HOXB9: variants seen among roughly 807,000 people sequenced by gnomAD.
The protein encoded by HOXB9 is homeobox protein Hox-B9.
In HOXB9, 10 loss-of-function variants were observed where a neutral mutation model predicts 21.5. The observed-to-expected ratio is 0.47, with a 90% CI of 0.29 to 0.79. The LOEUF is 0.79. Among genes scored for constraint, HOXB9 ranks in the 30% least tolerant of loss-of-function variants. The probability of loss-of-function intolerance (pLI) is 0.10; values close to 1 mark genes in which losing one functional copy is unlikely to be tolerated. For missense variants in HOXB9, 375 were observed against 338.7 expected, an observed-to-expected ratio of 1.11 and a Z score of -0.84; for synonymous variants, 156 against 151.2, an observed-to-expected ratio of 1.03 and a Z score of -0.23.
Position 48,624,104 on chromosome 17 carries a change from T to C in HOXB9, c.518-969A>G, listed in dbSNP as rs80098217. Among the ~76,000 whole-genome samples the C allele has an allele frequency of 4.3e-3, 651 of 152,274 alleles. 4 individuals carry two copies. Among genetic ancestry groups the C allele is most frequent in the Non-Finnish European group, 6.2e-3 (423 of 68,016 alleles). On this transcript the variant is annotated intron_variant, in intron 1 of 1. Transcript: ENST00000311177. The stretch of plus-strand genomic sequence containing the variant: ...AAACAAAAATATATACAGGCTTCTC[T>C]TCTTACCTTCTCTCCCCCTACTCTG...
rs1230203290 is a variant in HOXB9 at position 48,621,524 on chromosome 17, G to A, written c.*1376C>T. 1 of 152,272 alleles carries A rather than the reference G, an allele frequency of 6.6e-6. No individual in the cohort carries two copies. The highest frequency in any genetic ancestry group is 2.4e-5 in the African/African-American group (1 of 41,456). 9.4% of individuals were successfully genotyped at this position (152,272 alleles called of 1,614,324 possible). ...TTTTGCCCCTTTCCTTTGCACGCGGGACTGTTTCCCAGAAGCGCGCGCACG... is the reference window on the plus strand; with the variant it reads ...TTTTGCCCCTTTCCTTTGCACGCGGAACTGTTTCCCAGAAGCGCGCGCACG... On this transcript the variant is annotated 3_prime_UTR_variant, in exon 2 of 2. Coordinates refer to ENST00000311177, the MANE Select transcript of HOXB9 (RefSeq NM_024017.5).
At chr17:48,625,707 C>T (rs192619342) in intron 1 of HOXB9, 46 bp downstream of exon 1, 137 of 1,428,742 alleles carry the variant, frequency 9.6e-5, no homozygotes, top group East Asian at 3.5e-4. Flanking sequence ...TCCCCGCCCC[C>T]CTCCTGGCCT....
intron 1 of HOXB9, among the ~76,000 whole-genome samples, chr17:48,625,080 C>G (rs1416304195): frequency 6.6e-6 from 1 of 152,216 alleles, no homozygotes. Flanking sequence ...GAGGGGCCAC[C>G]GGAGGGAAGG....
chr17:48,622,582 G>A lies in HOXB9; in HGVS notation c.*318C>T. 12 of 288,748 alleles carry A rather than the reference G, an allele frequency of 4.2e-5. No individual in the cohort carries two copies. Among genetic ancestry groups the A allele is most frequent in the South Asian group, 1.3e-4 (3 of 22,898 alleles). 17.9% of individuals were successfully genotyped at this position (288,748 alleles called of 1,614,324 possible). ...AGGCAAGCTGGAAGTGAGGGGCTAGGACTTCCCAGAAAAATTACAGGGCAT... is the reference window on the plus strand; with the variant it reads ...AGGCAAGCTGGAAGTGAGGGGCTAGAACTTCCCAGAAAAATTACAGGGCAT... On this transcript the variant is annotated 3_prime_UTR_variant, in exon 2 of 2. Transcript: ENST00000311177.
rs2070809311 is a variant in HOXB9 at position 48,625,877 on chromosome 17, C to A, written c.393G>T (p.Gln131His). 1 of 1,606,976 alleles carries A rather than the reference C, an allele frequency of 6.2e-7. No homozygotes were observed. Reference protein sequence around the residue: ...LLGAPGELLKQGTPEYSLETS... With the variant: ...LLGAPGELLKHGTPEYSLETS... Reference sequence around the variant, plus strand: ...TTTCCAAACTGTACTCGGGCGTGCCCTGTTTGAGCAGCTCCCCAGGCGCGC... The same window carrying A: ...TTTCCAAACTGTACTCGGGCGTGCCATGTTTGAGCAGCTCCCCAGGCGCGC... The change falls in exon 1 of 2, where the codon CAG (glutamine) becomes CAT (histidine). Residue 131 changes from glutamine to histidine, a missense_variant. By Grantham distance (24) the Gln-to-His change is conservative. Transcript: ENST00000311177.
chr17:48,624,277 T>C (rs1268858454), intron 1 of HOXB9, among the ~76,000 whole-genome samples: 1 of 152,186 alleles, frequency 6.6e-6, no homozygotes. Context: ...TCTTACCAAT[T>C]TGCAGCGCTA....
chr17:48,625,363 C>T (rs1272666276), intron 1 of HOXB9, among the ~76,000 whole-genome samples: 1 of 152,226 alleles, frequency 6.6e-6, no homozygotes, highest in East Asian at 1.9e-4. Flanking sequence ...CCCTTGCCCT[C>T]GCCGGCTCTC....
At position 48,622,535 on chromosome 17, in the gene HOXB9, T is replaced by G; in HGVS notation, c.*365A>C. 4.6e-6 allele frequency: 1 copy of G among 219,700 alleles called. No individual in the cohort carries two copies. The highest frequency in any genetic ancestry group is 7.6e-5 in the South Asian group (1 of 13,158). The allele number at this position is 219,700 out of a possible 1,614,324, so 13.6% of individuals were successfully genotyped here. ...AGTTGGAGTGTCCCTGGGTGACTTT[T>G]GGGTGGGTGTAGAGAAGAAACAGGC... On this transcript the variant is annotated 3_prime_UTR_variant, in exon 2 of 2. Coordinates refer to ENST00000311177, the MANE Select transcript of HOXB9 (RefSeq NM_024017.5).
At position 48,623,098 on chromosome 17, in the gene HOXB9, G is replaced by T. The variant is rs2070784237; in HGVS notation, c.555C>A (p.Ser185=). The stretch of plus-strand genomic sequence containing the variant: ...TGGTGTAGGGACAGCGCTTTTTCCG[G>T]GAAGAGCGAGCGTGCAGCCAGTTGG... ...PSANWLHARS[S]RKKRCPYTKY... is the part of the protein sequence containing the mutation. Residue 185 remains serine (S), a synonymous_variant, in exon 2 of 2, where the codon TCC becomes TCA. Transcript: ENST00000311177. 1 of 1,613,872 alleles carries T rather than the reference G, an allele frequency of 6.2e-7. No homozygotes were observed. The highest frequency in any genetic ancestry group is 8.5e-7 in the Non-Finnish European group (1 of 1,179,968).
At chr17:48,624,394 T>C (rs1162313467) in intron 1 of HOXB9, among the ~76,000 whole-genome samples, 2 of 152,150 alleles carry the variant, frequency 1.3e-5, no homozygotes, top group Non-Finnish European at 2.9e-5. Context: ...CTTGCCATAA[T>C]GGGCTTTTCA....
At chr17:48,623,538 G>A (rs562624097) in intron 1 of HOXB9, among the ~76,000 whole-genome samples, 2 of 152,306 alleles carry the variant, frequency 1.3e-5, no homozygotes, top group African/African-American at 4.8e-5. Context: ...GAGGTGAGAG[G>A]AGGAGTTGGG....
Position 48,621,529 on chromosome 17 carries a change from T to A in HOXB9, c.*1371A>T, listed in dbSNP as rs1270873229. The A allele has an allele frequency of 6.6e-6, 1 of 152,240 alleles. No homozygotes were observed. Among genetic ancestry groups the A allele is most frequent in the Non-Finnish European group, 1.5e-5 (1 of 68,050 alleles). 9.4% of individuals were successfully genotyped at this position (152,240 alleles called of 1,614,324 possible). A position where few individuals can be genotyped will look rare whatever the true frequency, so the allele number is the denominator to read the frequency against. On this transcript the variant is annotated 3_prime_UTR_variant, in exon 2 of 2. Transcript: ENST00000311177. ...CCCCTTTCCTTTGCACGCGGGACTGTTTCCCAGAAGCGCGCGCACGCACCA... is the reference window on the plus strand; with the variant it reads ...CCCCTTTCCTTTGCACGCGGGACTGATTCCCAGAAGCGCGCGCACGCACCA...
chr17:48,625,434 TGGCCGGGCTTTCAGCTGGGGCCTCC>T (rs1051371359), intron 1 of HOXB9, among the ~76,000 whole-genome samples: 1 of 152,158 alleles, frequency 6.6e-6, no homozygotes, highest in Non-Finnish European at 1.5e-5. Flanking sequence ...CGCCGGTCTC[TGGCCGGGCTTTCAGCTGGGGCCTCC>T]GGGAGAGAGG....
chr17:48,625,721 G>T, intron 1 of HOXB9, 32 bp downstream of exon 1: 1 of 1,460,610 alleles, frequency 6.8e-7, no homozygotes. Context: ...CTGGCCTTCG[G>T]CCTGGGTATT....
chr17:48,624,087 ATATAT>A (rs939052707), intron 1 of HOXB9, among the ~76,000 whole-genome samples: 18 of 152,178 alleles, frequency 1.2e-4, no homozygotes, highest in African/African-American at 3.4e-4. Flanking sequence ...GGAAACAAAA[ATATAT>A]ACAGGCTTCT....
At position 48,623,243 on chromosome 17, in the gene HOXB9, C is replaced by T. The variant is rs2070786055; in HGVS notation, c.518-108G>A. 4 of 808,414 alleles carry T rather than the reference C, an allele frequency of 4.9e-6. No individual in the cohort carries two copies. In the South Asian group the frequency reaches 6.8e-5, roughly 14 times the overall value. The allele number at this position is 808,414 out of a possible 1,614,324, so 50.1% of individuals were successfully genotyped here. A position where few individuals can be genotyped will look rare whatever the true frequency, so the allele number is the denominator to read the frequency against. On this transcript the variant is annotated intron_variant, in intron 1 of 1. Transcript: ENST00000311177. ...TCCCCATCTTGCACTGGAGAAGAGG[C>T]CACCTGGGTCTTCAAGCTCCCAGGA...
In HOXB9 at chr17:48,622,262, C is replaced by T. The variant is rs1285877425; in HGVS notation, c.*638G>A. 1 of 152,720 alleles carries T rather than the reference C, an allele frequency of 6.5e-6. No homozygotes were observed. Among genetic ancestry groups the T allele is most frequent in the African/African-American group, 2.4e-5 (1 of 41,454 alleles). The allele number at this position is 152,720 out of a possible 1,614,324, so 9.5% of individuals were successfully genotyped here. The stretch of plus-strand genomic sequence containing the variant: ...CCCTTGGCCTGAGAATAGTTGGCAA[C>T]TCCATGGGAATGGTATGGCAATGCT... On this transcript the variant is annotated 3_prime_UTR_variant, in exon 2 of 2. Transcript: ENST00000311177.
chr17:48,626,099 C>T lies in HOXB9; in HGVS notation c.171G>A (p.Pro57=), dbSNP rs1375507335. 1 of 1,578,766 alleles carries T rather than the reference C, an allele frequency of 6.3e-7. No homozygotes were observed. Among genetic ancestry groups the T allele is most frequent in the Non-Finnish European group, 8.6e-7 (1 of 1,169,010 alleles). Residue 57 remains proline, a synonymous_variant, in exon 1 of 2, where the codon CCG becomes CCA. Coordinates refer to ENST00000311177, the MANE Select transcript of HOXB9 (RefSeq NM_024017.5). ...GCGGCGCCCAGGAGGCGCCGAACAC[C>T]GGCGCTTTGGGCTGGAAGCTGCACG... is the stretch of plus-strand genomic sequence containing the variant. ...FPSCSFQPKA[P]VFGASWAPLS...
In HOXB9 at chr17:48,626,160, C is replaced by T. The variant is rs1340416068; in HGVS notation, c.110G>A (p.Arg37Gln). 1.9e-6 allele frequency: 3 copies of T among 1,597,216 alleles called. No individual in the cohort carries two copies. The highest frequency in any genetic ancestry group is 8.5e-7 in the Non-Finnish European group (1 of 1,178,578). ...CAGGTGCTCCGCGTGGCCCGGCTGC[C>T]GCGAGCTCGCGTACTGGCCAGAAGG... ...KFPSGQYASS[R>Q]QPGHAEHLEF... The change falls in exon 1 of 2, where the codon CGG (arginine) becomes CAG (glutamine). Residue 37 changes from arginine to glutamine, a missense_variant. Coordinates refer to ENST00000311177, the MANE Select transcript of HOXB9 (RefSeq NM_024017.5).
Sources: gnomAD v4.1 joint callset for allele counts (sites outside exome capture counted in the v4.1 genomes callset) on GRCh38, gnomAD v4.1.1 for gene constraint, MANE v1.5 for transcripts, NCBI Gene and HGNC (gene_info 2026-07-23, HGNC 2026-07-21) for gene names.